The following NFX1 variants were observed in gnomAD, a reference collection of about 807,000 sequenced individuals.
NFX1 encodes nuclear transcription factor, X-box binding 1, also known as transcriptional repressor NF-X1.
In NFX1, 69 loss-of-function variants were observed where a neutral mutation model predicts 137.2. That is an observed-to-expected ratio of 0.50 (90% CI 0.41 to 0.61). The LOEUF is 0.61. Ranked by LOEUF, NFX1 falls within the 20% of genes least tolerant of loss-of-function variation. NFX1 has a pLI of 0.00. For missense variants in NFX1, 1,167 were observed against 1,391.0 expected (o/e 0.84, Z 2.56); for synonymous variants, 495 against 474.1 (o/e 1.04, Z -0.57).
At chr9:33,367,053 G>A (rs1587884999) in intron 22 of NFX1, among the ~76,000 whole-genome samples, 1 of 152,366 alleles carries the variant, frequency 6.6e-6, no homozygotes, top group South Asian at 2.1e-4. Context: ...TCAGGCAAGG[G>A]GGCCTGCCCA....
At chr9:33,364,175 T>A in intron 20 of NFX1, 67 bp downstream of exon 20, 1 of 1,080,602 alleles carries the variant, frequency 9.3e-7, no homozygotes, top group Non-Finnish European at 1.4e-6. Context: ...TGAGATGTCA[T>A]AACTAATATG....
Position 33,311,277 on chromosome 9 carries a change from A to G in NFX1, c.1448+100A>G, listed in dbSNP as rs895959696. On this transcript the variant is annotated intron_variant, in intron 6 of 23. Coordinates refer to ENST00000379540, the MANE Select transcript of NFX1 (RefSeq NM_002504.6). ...AAGAATAGTAGGTAGATACAAATAAATGGTAGGCATGAATAGTACTTTTTT... is the reference window on the plus strand; with the variant it reads ...AAGAATAGTAGGTAGATACAAATAAGTGGTAGGCATGAATAGTACTTTTTT... 9.2e-6 allele frequency: 10 copies of G among 1,086,566 alleles called. No homozygotes were observed. In the East Asian group the frequency reaches 1.9e-4, roughly 21 times the overall value. The allele number at this position is 1,086,566 out of a possible 1,614,324, so 67.3% of individuals were successfully genotyped here.
chr9:33,346,564 A>G (rs1215152606), intron 14 of NFX1, among the ~76,000 whole-genome samples: 1 of 152,110 alleles, frequency 6.6e-6, no homozygotes, highest in African/African-American at 2.4e-5. Flanking sequence ...CCCAGACGAG[A>G]GTGTGGTAGC....
intron 23 of NFX1, among the ~76,000 whole-genome samples, chr9:33,369,129 G>A (rs916566520): frequency 4.0e-5 from 6 of 151,860 alleles, no homozygotes; most frequent in Admixed American, 6.6e-5. Context: ...GCAGTGGCGC[G>A]ATCTCAGCTC....
rs1823901268 is a variant in NFX1, at chr9:33,358,813, C to T, written c.2873+3921C>T. 2.0e-5 allele frequency among the ~76,000 whole-genome samples: 3 copies of T among 151,820 alleles called. No individual in the cohort carries two copies. In the South Asian group the frequency reaches 6.2e-4, roughly 32 times the overall value. On this transcript the variant is annotated intron_variant, in intron 19 of 23. Coordinates refer to ENST00000379540, the MANE Select transcript of NFX1 (RefSeq NM_002504.6). ...AGTAGCTGGAACTGCAAGTGCATGCCACCACACCCAGCTAATTTTTACATT... is the reference window on the plus strand; with the variant it reads ...AGTAGCTGGAACTGCAAGTGCATGCTACCACACCCAGCTAATTTTTACATT...
rs368867476 is a variant in NFX1 at position 33,294,661 on chromosome 9, C to T, written c.267C>T (p.Ser89=). 1.2e-6 allele frequency: 2 copies of T among 1,614,176 alleles called. No homozygotes were observed. Among genetic ancestry groups the T allele is most frequent in the Non-Finnish European group, 1.7e-6 (2 of 1,180,038 alleles). The change falls in exon 2 of 24, where the codon TCC becomes TCT. Residue 89 remains serine, a synonymous_variant. Coordinates refer to ENST00000379540, the MANE Select transcript of NFX1 (RefSeq NM_002504.6). ...AGAGTCAGCAGACGTCTTTCCAGTC[C>T]TCTCCTTGTAATAAATCGCCCAAGA... ...KPKSQQTSFQ[S]SPCNKSPKSH...
At chr9:33,312,034 A>G (rs1249296284) in intron 6 of NFX1, among the ~76,000 whole-genome samples, 3 of 152,186 alleles carry the variant, frequency 2.0e-5, no homozygotes, top group Non-Finnish European at 4.4e-5. Flanking sequence ...CCATTATAAT[A>G]CAAGGTCTCC....
intron 4 of NFX1, among the ~76,000 whole-genome samples, chr9:33,304,774 T>A (rs2118253724): frequency 6.6e-6 from 1 of 152,338 alleles, no homozygotes; most frequent in East Asian, 1.9e-4. Context: ...ATAAATATTC[T>A]TGAATATACT....
At chr9:33,357,891 C>G (rs1823864519) in intron 19 of NFX1, among the ~76,000 whole-genome samples, 1 of 151,784 alleles carries the variant, frequency 6.6e-6, no homozygotes, top group South Asian at 2.1e-4. Context: ...TAATATATAC[C>G]CAAGAAACCT....
rs186101318 is a variant in NFX1 at position 33,341,975 on chromosome 9, A to T, written c.2116-771A>T. Reference sequence around the variant, plus strand: ...TACTAGAAATACAAAACTTACCTGGACATTGTTGTGGGCACCTGTAATCCC... The same window carrying T: ...TACTAGAAATACAAAACTTACCTGGTCATTGTTGTGGGCACCTGTAATCCC... On this transcript the variant is annotated intron_variant, in intron 12 of 23. Coordinates refer to ENST00000379540, the MANE Select transcript of NFX1 (RefSeq NM_002504.6). Among the ~76,000 whole-genome samples, 11 of 151,896 alleles carry T rather than the reference A, an allele frequency of 7.2e-5. No individual in the cohort carries two copies. The East Asian group carries it at 1.9e-3, about 27-fold the overall frequency.
At chr9:33,348,836 T>G in intron 15 of NFX1, 1 of 943,492 alleles carries the variant, frequency 1.1e-6, no homozygotes, top group Non-Finnish European at 1.3e-6. Flanking sequence ...TTCCTTGCTG[T>G]GGTTAAGATG....
intron 20 of NFX1, 73 bp downstream of exon 20, chr9:33,364,181 A>G (rs1007674164): frequency 3.3e-5 from 32 of 970,404 alleles, no homozygotes; most frequent in Admixed American, 1.1e-4. Context: ...GTCATAACTA[A>G]TATGTACTCC....
chr9:33,364,639 G>C, intron 20 of NFX1, 69 bp from the exon 21 acceptor site: 1 of 1,546,662 alleles, frequency 6.5e-7, no homozygotes. Context: ...TTTACAGGGA[G>C]AGGATGGGTG....
At chr9:33,340,888 C>G (rs1193570638) in intron 12 of NFX1, among the ~76,000 whole-genome samples, 1 of 152,208 alleles carries the variant, frequency 6.6e-6, no homozygotes, top group Admixed American at 6.5e-5. Context: ...CTGAGACCAC[C>G]TCAGCCTGGA....
intron 3 of NFX1, among the ~76,000 whole-genome samples, chr9:33,302,663 T>G (rs1480202327): frequency 1.3e-5 from 2 of 151,436 alleles, no homozygotes; most frequent in African/African-American, 2.4e-5. Context: ...AGTGGTTTTT[T>G]TTTGTTTGTT....
chr9:33,342,760 G>A lies in NFX1; in HGVS notation c.2130G>A (p.Lys710=). The change falls in exon 13 of 24, where the codon AAG becomes AAA. Residue 710 remains lysine (K), a synonymous_variant. Coordinates refer to ENST00000379540, the MANE Select transcript of NFX1 (RefSeq NM_002504.6). ...TCTTTTCCCAGGATAAGGAGCACAA[G>A]TGTCCTTTGATTTGTGGGAGGAAAC... ...NEICCVDKEH[K]CPLICGRKLR... The A allele has an allele frequency of 6.2e-7, 1 of 1,612,564 alleles. No individual in the cohort carries two copies. The highest frequency in any genetic ancestry group is 8.5e-7 in the Non-Finnish European group (1 of 1,179,194).
At chr9:33,316,285 G>T (rs1314799774) in intron 7 of NFX1, among the ~76,000 whole-genome samples, 1 of 151,408 alleles carries the variant, frequency 6.6e-6, no homozygotes, top group Non-Finnish European at 1.5e-5. Flanking sequence ...GTGCAGAAAA[G>T]CTCTCTATCC....
intron 7 of NFX1, among the ~76,000 whole-genome samples, chr9:33,317,697 C>T (rs984318376): frequency 4.0e-5 from 6 of 151,546 alleles, no homozygotes; most frequent in East Asian, 3.9e-4. Flanking sequence ...TAATTATGGC[C>T]GGGCGTGGTG....
At chr9:33,355,420 A>T (rs532139295) in intron 19 of NFX1, among the ~76,000 whole-genome samples, 1 of 151,998 alleles carries the variant, frequency 6.6e-6, no homozygotes, top group Non-Finnish European at 1.5e-5. Flanking sequence ...TAGTTTTTGA[A>T]CTTTATGTAA....
Sources: gnomAD v4.1 joint callset for allele counts (sites outside exome capture counted in the v4.1 genomes callset) on GRCh38, gnomAD v4.1.1 for gene constraint, MANE v1.5 for transcripts, NCBI Gene and HGNC (gene_info 2026-07-23, HGNC 2026-07-21) for gene names.